CACNA2D1: variants seen among roughly 807,000 people sequenced by gnomAD.
CACNA2D1 encodes the protein calcium voltage-gated channel auxiliary subunit alpha2delta 1.
A neutral mutation model predicts 171.5 loss-of-function variants in CACNA2D1; 53 were observed. The ratio of observed to expected loss-of-function variants is 0.31; its 90% CI spans 0.25 to 0.39. The LOEUF (loss-of-function observed/expected upper bound fraction) is 0.39. Ranked by LOEUF, CACNA2D1 falls within the 10% of genes least tolerant of loss-of-function variation. The pLI, the probability that CACNA2D1 is intolerant of heterozygous loss-of-function variation, is 1.00. For synonymous variants in CACNA2D1, 442 were observed against 443.1 expected (o/e 1.00, Z 0.03); for missense variants, 903 against 1,299.8 (o/e 0.69, Z 4.69).
At position 81,971,879 on chromosome 7, in the gene CACNA2D1, G is replaced by C. The variant is rs1203732469; in HGVS notation, c.2054-15C>G. ...ATCCGCGTTACCTAACACAGAAAAA[G>C]ATCATCAGTTACACTCACATTTCTA... is the stretch of plus-strand genomic sequence containing the variant. On this transcript the variant is annotated splice_polypyrimidine_tract_variant and intron_variant, in intron 25 of 38. Coordinates refer to ENST00000356860, the MANE Select transcript of CACNA2D1 (RefSeq NM_000722.4). The C allele has an allele frequency of 6.8e-7, 1 of 1,474,284 alleles. No homozygotes were observed. The highest frequency in any genetic ancestry group is 9.5e-7 in the Non-Finnish European group (1 of 1,054,102). 91.3% of individuals were successfully genotyped at this position (1,474,284 alleles called of 1,614,324 possible). A position where few individuals can be genotyped will look rare whatever the true frequency, so the allele number is the denominator to read the frequency against.
At chr7:82,014,336 A>G in intron 13 of CACNA2D1, 65 bp downstream of exon 13, 4 of 828,588 alleles carry the variant, frequency 4.8e-6, no homozygotes, top group Admixed American at 3.6e-5. Context: ...TTAAATAAGT[A>G]CACCTAATAA....
chr7:82,111,444 A>ATATATATATATATATATATTT (rs1207440298), intron 6 of CACNA2D1, among the ~76,000 whole-genome samples: 1 of 69,968 alleles, frequency 1.4e-5, no homozygotes, highest in African/African-American at 6.8e-5. Context: ...ATATATATAT[A>ATATATATATATATATATATTT]TTTTTTTTTT....
chr7:82,408,229 G>T (rs1329955727), intron 1 of CACNA2D1, among the ~76,000 whole-genome samples: 1 of 151,532 alleles, frequency 6.6e-6, no homozygotes, highest in Non-Finnish European at 1.5e-5. Flanking sequence ...CACCATATTC[G>T]CCAGGTTGGT....
intron 14 of CACNA2D1, among the ~76,000 whole-genome samples, chr7:82,012,655 T>C (rs1270026432): frequency 6.6e-6 from 1 of 152,128 alleles, no homozygotes; most frequent in Non-Finnish European, 1.5e-5. Context: ...TATCACAGAT[T>C]GTTTGGCTGA....
intron 4 of CACNA2D1, among the ~76,000 whole-genome samples, chr7:82,161,148 A>G (rs1794911531): frequency 6.6e-6 from 1 of 152,076 alleles, no homozygotes; most frequent in Non-Finnish European, 1.5e-5. Flanking sequence ...GGGGAAACTC[A>G]GCAAGACCTG....
chr7:81,991,832 T>C (rs1449704940), intron 20 of CACNA2D1, among the ~76,000 whole-genome samples: 2 of 151,838 alleles, frequency 1.3e-5, no homozygotes, highest in Non-Finnish European at 2.9e-5. Context: ...CGATGGCACA[T>C]GTATAATTTT....
At chr7:82,067,648 CTGAAA>C (rs1453708100) in intron 7 of CACNA2D1, among the ~76,000 whole-genome samples, 5 of 152,116 alleles carry the variant, frequency 3.3e-5, no homozygotes, top group Non-Finnish European at 5.9e-5. Context: ...ATCAATGTAA[CTGAAA>C]TGGTGAGTTT....
chr7:82,348,372 G>T (rs1334618638), intron 2 of CACNA2D1, among the ~76,000 whole-genome samples: 1 of 151,700 alleles, frequency 6.6e-6, no homozygotes, highest in East Asian at 2.0e-4. Context: ...TAGTAATCGA[G>T]ATTTTTTTTT....
At chr7:82,253,338 T>A (rs1317153365) in intron 3 of CACNA2D1, among the ~76,000 whole-genome samples, 1 of 152,176 alleles carries the variant, frequency 6.6e-6, no homozygotes, top group Non-Finnish European at 1.5e-5. Flanking sequence ...AAGCGCATCA[T>A]GTGAGGCAGG....
intron 1 of CACNA2D1, among the ~76,000 whole-genome samples, chr7:82,404,814 G>C (rs1462137616): frequency 6.6e-6 from 1 of 152,204 alleles, no homozygotes; most frequent in Non-Finnish European, 1.5e-5. Flanking sequence ...AGTCGAGAGA[G>C]AGAAGTGATT....
chr7:82,380,066 C>T (rs1421168129), intron 1 of CACNA2D1, among the ~76,000 whole-genome samples: 1 of 152,122 alleles, frequency 6.6e-6, no homozygotes, highest in Non-Finnish European at 1.5e-5. Context: ...TATAGCATTA[C>T]TTTTAAATTG....
At chr7:82,335,272 A>G (rs1426489431) in intron 2 of CACNA2D1, 21 bp from the exon 3 acceptor site, 10 of 1,340,288 alleles carry the variant, frequency 7.5e-6, no homozygotes, top group Non-Finnish European at 1.1e-5. Context: ...GAAAAAAAAA[A>G]CTAGTAAGAA....
chr7:82,416,468 A>G (rs1002256019), intron 1 of CACNA2D1, among the ~76,000 whole-genome samples: 5 of 152,110 alleles, frequency 3.3e-5, no homozygotes, highest in African/African-American at 1.2e-4. Context: ...GGTTCAGGAC[A>G]CTAGAAGTCT....
chr7:82,270,492 C>T (rs531251980), intron 3 of CACNA2D1, among the ~76,000 whole-genome samples: 3 of 152,116 alleles, frequency 2.0e-5, no homozygotes, highest in East Asian at 1.9e-4. Context: ...TCCAATCTTT[C>T]GTTAAAGGAC....
At chr7:82,328,762 T>C (rs2129443256) in intron 3 of CACNA2D1, among the ~76,000 whole-genome samples, 1 of 152,298 alleles carries the variant, frequency 6.6e-6, no homozygotes, top group Non-Finnish European at 1.5e-5. Context: ...TTCACTGTCC[T>C]ACCAAACTTC....
chr7:82,321,368 C>A (rs1815851936), intron 3 of CACNA2D1, among the ~76,000 whole-genome samples: 1 of 152,004 alleles, frequency 6.6e-6, no homozygotes, highest in African/African-American at 2.4e-5. Flanking sequence ...CATTTCACTC[C>A]AGCCTGGGTG....
intron 23 of CACNA2D1, 123 bp from the exon 24 acceptor site, chr7:81,982,750 T>A: frequency 1.3e-6 from 1 of 751,988 alleles, no homozygotes; most frequent in Non-Finnish European, 2.4e-6. Flanking sequence ...AGTACTTACA[T>A]CCTAAAATTG....
chr7:82,240,924 G>C (rs1804189524), intron 3 of CACNA2D1, among the ~76,000 whole-genome samples: 2 of 151,496 alleles, frequency 1.3e-5, no homozygotes. Flanking sequence ...CCGAGATCGT[G>C]CCACTGCACT....
At chr7:82,203,296 G>A (rs1563197506) in intron 3 of CACNA2D1, among the ~76,000 whole-genome samples, 1 of 152,106 alleles carries the variant, frequency 6.6e-6, no homozygotes, top group African/African-American at 2.4e-5. Flanking sequence ...GCCATCTATC[G>A]TGGACTTGAT....
Sources: gnomAD v4.1 joint callset for allele counts (sites outside exome capture counted in the v4.1 genomes callset) on GRCh38, gnomAD v4.1.1 for gene constraint, MANE v1.5 for transcripts, NCBI Gene and HGNC (gene_info 2026-07-23, HGNC 2026-07-21) for gene names.